The following PDE11A variants were observed in gnomAD, a reference collection of about 807,000 sequenced individuals.
PDE11A encodes the protein phosphodiesterase 11A, also known as dual 3',5'-cyclic-AMP and -GMP phosphodiesterase 11A.
In PDE11A, 100 loss-of-function variants were observed where a neutral mutation model predicts 100.5. That is an observed-to-expected ratio of 1.00 (90% CI 0.85 to 1.18). The LOEUF (loss-of-function observed/expected upper bound fraction) is 1.18, where lower values mean the gene tolerates loss of function less well. Ranked by LOEUF, PDE11A falls within the 50% of genes most tolerant of loss-of-function variation. The probability of loss-of-function intolerance (pLI) is 0.00; values close to 1 mark genes in which losing one functional copy is unlikely to be tolerated. For missense variants in PDE11A, 1,141 were observed against 1,152.6 expected (o/e 0.99, Z 0.15); for synonymous variants, 381 against 420.8 (o/e 0.91, Z 1.16).
At chr2:177,902,253 G>A (rs1300209706) in intron 3 of PDE11A, among the ~76,000 whole-genome samples, 1 of 151,688 alleles carries the variant, frequency 6.6e-6, no homozygotes, top group African/African-American at 2.4e-5. Context: ...CCTTAAGAAG[G>A]TACTTTGTAA....
Position 177,675,374 on chromosome 2 carries a change from G to T in PDE11A, c.2487+81C>A. On this transcript the variant is annotated intron_variant, in intron 17 of 19. Coordinates refer to ENST00000286063, the MANE Select transcript of PDE11A (RefSeq NM_016953.4). ...TTGACTAGGGTTTCAGTGCCTGGTA[G>T]TCAGGGCTCTGGGAATATTGTGTCC... The T allele has an allele frequency of 3.0e-6, 3 of 1,008,748 alleles. No individual in the cohort carries two copies. The Admixed American group carries it at 5.2e-5, about 17-fold the overall frequency. 62.5% of individuals were successfully genotyped at this position (1,008,748 alleles called of 1,614,324 possible). A position where few individuals can be genotyped will look rare whatever the true frequency, so the allele number is the denominator to read the frequency against.
intron 5 of PDE11A, among the ~76,000 whole-genome samples, chr2:177,860,673 T>C (rs968418323): frequency 3.3e-5 from 5 of 151,686 alleles, no homozygotes; most frequent in Non-Finnish European, 5.9e-5. Context: ...CTTATAAATA[T>C]AGATGCAAAA....
intron 19 of PDE11A, among the ~76,000 whole-genome samples, chr2:177,637,321 A>G (rs143949550): frequency 4.1e-4 from 62 of 152,264 alleles, no homozygotes; most frequent in African/African-American, 1.4e-3. Flanking sequence ...TCCCTAGAGA[A>G]CTAATCCTTC....
chr2:178,041,263 A>G (rs2086679773), intron 1 of PDE11A, among the ~76,000 whole-genome samples: 1 of 140,370 alleles, frequency 7.1e-6, no homozygotes. Flanking sequence ...TTTTTTTTTG[A>G]GACAGAGTCT....
chr2:177,866,352 G>A (rs149142496), intron 5 of PDE11A, among the ~76,000 whole-genome samples: 52 of 152,306 alleles, frequency 3.4e-4, no homozygotes, highest in African/African-American at 1.2e-3. Flanking sequence ...TTCTGCTCGG[G>A]ACTTCCCATT....
At chr2:177,808,968 T>G (rs2082910368) in intron 9 of PDE11A, among the ~76,000 whole-genome samples, 1 of 152,186 alleles carries the variant, frequency 6.6e-6, no homozygotes, top group Non-Finnish European at 1.5e-5. Flanking sequence ...TGCTACAACC[T>G]TAATGAACCT....
intron 1 of PDE11A, among the ~76,000 whole-genome samples, chr2:178,045,984 T>C (rs1269639615): frequency 6.6e-6 from 1 of 152,178 alleles, no homozygotes; most frequent in Non-Finnish European, 1.5e-5. Context: ...TAAACAGAGA[T>C]GGATAATTTG....
At chr2:177,796,039 A>G (rs1275312436) in intron 9 of PDE11A, among the ~76,000 whole-genome samples, 2 of 146,784 alleles carry the variant, frequency 1.4e-5, no homozygotes, top group Admixed American at 1.4e-4. Flanking sequence ...AGTGAAATAT[A>G]TCTTAAAGTG....
At chr2:177,685,479 A>G (rs1342260026) in intron 15 of PDE11A, among the ~76,000 whole-genome samples, 2 of 152,244 alleles carry the variant, frequency 1.3e-5, no homozygotes, top group Non-Finnish European at 2.9e-5. Flanking sequence ...GGAACATAAC[A>G]TCTTTGATGC....
At chr2:177,710,232 G>A (rs1046078983) in intron 13 of PDE11A, among the ~76,000 whole-genome samples, 2 of 151,962 alleles carry the variant, frequency 1.3e-5, no homozygotes, top group African/African-American at 2.4e-5. Context: ...CGAGATAGGA[G>A]GGAAGGAGGG....
intron 1 of PDE11A, among the ~76,000 whole-genome samples, chr2:178,029,240 G>C (rs1339986251): frequency 6.6e-6 from 1 of 152,104 alleles, no homozygotes; most frequent in Non-Finnish European, 1.5e-5. Context: ...TAAGTCATCA[G>C]GTTAGCCAGT....
intron 9 of PDE11A, among the ~76,000 whole-genome samples, chr2:177,791,953 C>A (rs979262510): frequency 1.3e-5 from 2 of 152,044 alleles, no homozygotes; most frequent in South Asian, 2.1e-4. Context: ...AATGAGTCTT[C>A]TGATTTTTCT....
intron 6 of PDE11A, among the ~76,000 whole-genome samples, chr2:177,839,975 T>G (rs2083462780): frequency 6.6e-6 from 1 of 152,216 alleles, no homozygotes; most frequent in African/African-American, 2.4e-5. Flanking sequence ...GGAAATAACT[T>G]TGTTATATAC....
intron 2 of PDE11A, among the ~76,000 whole-genome samples, chr2:177,956,588 C>G (rs1452292668): frequency 3.3e-5 from 5 of 152,214 alleles, no homozygotes; most frequent in Non-Finnish European, 7.3e-5. Flanking sequence ...ATAAATCATG[C>G]TGCTCTAAAG....
rs564778510 is a variant in PDE11A at position 177,939,087 on chromosome 2, T to C, written c.1072-33900A>G. Among the ~76,000 whole-genome samples the C allele has an allele frequency of 5.9e-5, 9 of 152,324 alleles. No individual in the cohort carries two copies. In the South Asian group the frequency reaches 1.7e-3, roughly 28 times the overall value. On this transcript the variant is annotated intron_variant, in intron 2 of 19. Coordinates refer to ENST00000286063, the MANE Select transcript of PDE11A (RefSeq NM_016953.4). Reference sequence around the variant, plus strand: ...TTGTTTAAGCCATTTTAGTCTCTGGTATTTTGTTATTCCAGCCCTAGCAAA... The same window carrying C: ...TTGTTTAAGCCATTTTAGTCTCTGGCATTTTGTTATTCCAGCCCTAGCAAA...
chr2:178,033,289 A>C (rs180798372), intron 1 of PDE11A, among the ~76,000 whole-genome samples: 293 of 152,312 alleles, frequency 1.9e-3, no homozygotes, highest in Non-Finnish European at 3.4e-3. Flanking sequence ...CAAGTGGGAG[A>C]AAGAATATCA....
At chr2:177,953,579 A>AT (rs1044147131) in intron 2 of PDE11A, among the ~76,000 whole-genome samples, 2 of 152,156 alleles carry the variant, frequency 1.3e-5, no homozygotes, top group Non-Finnish European at 2.9e-5. Context: ...ATCAGTTCCA[A>AT]TTTTTTTCAT....
At chr2:177,704,753 A>G (rs2081254253) in intron 13 of PDE11A, among the ~76,000 whole-genome samples, 1 of 152,076 alleles carries the variant, frequency 6.6e-6, no homozygotes. Flanking sequence ...TATGGTAAGG[A>G]TTTTCCAGAG....
At chr2:177,889,267 T>C (rs1408301739) in intron 4 of PDE11A, among the ~76,000 whole-genome samples, 2 of 152,226 alleles carry the variant, frequency 1.3e-5, no homozygotes, top group African/African-American at 4.8e-5. Context: ...CTAGGTAGTC[T>C]AACATCAGAA....
Sources: gnomAD v4.1 joint callset for allele counts (sites outside exome capture counted in the v4.1 genomes callset) on GRCh38, gnomAD v4.1.1 for gene constraint, MANE v1.5 for transcripts, NCBI Gene and HGNC (gene_info 2026-07-23, HGNC 2026-07-21) for gene names.